PICALM: variants seen among roughly 807,000 people sequenced by gnomAD.
PICALM encodes the protein phosphatidylinositol-binding clathrin assembly protein.
Under a neutral mutation model 80.5 loss-of-function variants are expected in PICALM, and 40 were observed. The observed-to-expected ratio is 0.50, with a 90% CI of 0.39 to 0.65. The LOEUF is 0.65. Ranked by LOEUF, PICALM falls within the 30% of genes least tolerant of loss-of-function variation. PICALM has a pLI of 0.00. For missense variants in PICALM, 676 were observed against 778.9 expected (o/e 0.87, Z 1.57); for synonymous variants, 288 against 260.3 (o/e 1.11, Z -1.02).
chr11:85,963,920 CTTTTTT>C (rs10686143), intron 19 of PICALM, among the ~76,000 whole-genome samples: 26 of 72,890 alleles, frequency 3.6e-4, no homozygotes, highest in African/African-American at 1.2e-3. Flanking sequence ...CCACACCTGG[CTTTTTT>C]TTTTTTTTTT....
At chr11:86,054,292 A>C (rs771448595) in intron 1 of PICALM, among the ~76,000 whole-genome samples, 1 of 152,230 alleles carries the variant, frequency 6.6e-6, no homozygotes, top group Non-Finnish European at 1.5e-5. Flanking sequence ...CTATGTGTGA[A>C]AAGGAAAAAA....
intron 5 of PICALM, among the ~76,000 whole-genome samples, chr11:86,014,050 T>C (rs1010663853): frequency 6.6e-6 from 1 of 152,240 alleles, no homozygotes; most frequent in African/African-American, 2.4e-5. Context: ...ATCTCTGTTT[T>C]AGTCTATGAA....
intron 5 of PICALM, among the ~76,000 whole-genome samples, chr11:86,013,372 C>T (rs895056823): frequency 3.9e-5 from 6 of 151,998 alleles, no homozygotes; most frequent in African/African-American, 1.5e-4. Flanking sequence ...AAGTTAGTGG[C>T]TCACCCTTTT....
chr11:85,981,358 C>T, intron 16 of PICALM, 130 bp from the exon 17 acceptor site: 2 of 610,734 alleles, frequency 3.3e-6, no homozygotes, highest in African/African-American at 1.9e-5. Flanking sequence ...GTAATCCCAG[C>T]ACTTTGGGAG....
intron 19 of PICALM, among the ~76,000 whole-genome samples, chr11:85,964,887 AAC>A (rs2093822230): frequency 6.6e-6 from 1 of 152,252 alleles, no homozygotes; most frequent in Non-Finnish European, 1.5e-5. Context: ...TCCATATAAA[AAC>A]AGTCTCCAAA....
intron 1 of PICALM, among the ~76,000 whole-genome samples, chr11:86,063,088 T>A (rs1268947287): frequency 1.3e-5 from 2 of 152,212 alleles, no homozygotes; most frequent in African/African-American, 4.8e-5. Context: ...AACAACTATG[T>A]CTACGGTGAA....
Position 85,958,333 on chromosome 11 carries a change from T to C in PICALM, c.*713A>G, listed in dbSNP as rs1482300923. 4.7e-6 allele frequency: 1 copy of C among 213,760 alleles called. No individual in the cohort carries two copies. Among genetic ancestry groups the C allele is most frequent in the Non-Finnish European group, 9.5e-6 (1 of 105,600 alleles). The allele number at this position is 213,760 out of a possible 1,614,324, so 13.2% of individuals were successfully genotyped here. A position where few individuals can be genotyped will look rare whatever the true frequency, so the allele number is the denominator to read the frequency against. On this transcript the variant is annotated 3_prime_UTR_variant, in exon 20 of 20. Transcript: ENST00000393346. ...AGAATTCTTAAGAGATTCAGACCTATGGACTTGCCTTAAAATATTTAGTGC... is the reference window on the plus strand; with the variant it reads ...AGAATTCTTAAGAGATTCAGACCTACGGACTTGCCTTAAAATATTTAGTGC...
At chr11:85,981,552 G>A (rs1249269068) in intron 16 of PICALM, among the ~76,000 whole-genome samples, 193 bp downstream of exon 16, 1 of 151,762 alleles carries the variant, frequency 6.6e-6, no homozygotes, top group Admixed American at 6.6e-5. Context: ...GCTTGCAGTG[G>A]GCCGAGATTG....
intron 1 of PICALM, among the ~76,000 whole-genome samples, chr11:86,052,078 A>T (rs897843124): frequency 6.6e-6 from 1 of 152,188 alleles, no homozygotes; most frequent in Non-Finnish European, 1.5e-5. Context: ...CCCTACCCAA[A>T]TCTCACCTTG....
chr11:86,015,090 C>A, intron 4 of PICALM, 127 bp from the exon 5 acceptor site: 1 of 601,334 alleles, frequency 1.7e-6, no homozygotes, highest in Non-Finnish European at 2.9e-6. Context: ...ATTTTTAAGT[C>A]ATTATGGAAC....
chr11:85,984,963 A>T (rs1048139366), intron 13 of PICALM, among the ~76,000 whole-genome samples: 6 of 152,298 alleles, frequency 3.9e-5, no homozygotes, highest in African/African-American at 1.4e-4. Flanking sequence ...GATCACAAAG[A>T]AGAAATTATT....
chr11:85,963,103 G>A (rs191374552), intron 19 of PICALM, among the ~76,000 whole-genome samples: 37 of 152,292 alleles, frequency 2.4e-4, no homozygotes, highest in Admixed American at 1.4e-3. Context: ...ATTTCTGTGA[G>A]TAAATTAAAG....
intron 19 of PICALM, among the ~76,000 whole-genome samples, chr11:85,963,542 CAG>C (rs2093763401): frequency 6.6e-6 from 1 of 152,202 alleles, no homozygotes; most frequent in African/African-American, 2.4e-5. Flanking sequence ...TGGTCCAATA[CAG>C]ACATAGTCTT....
At chr11:86,058,353 C>A (rs1281853021) in intron 1 of PICALM, among the ~76,000 whole-genome samples, 1 of 152,136 alleles carries the variant, frequency 6.6e-6, no homozygotes, top group Non-Finnish European at 1.5e-5. Context: ...TCTGTGAAGT[C>A]ACTTACAGAG....
Position 86,022,393 on chromosome 11 carries a change from T to A in PICALM, c.426A>T (p.Ala142=). 1.3e-6 allele frequency: 2 copies of A among 1,585,608 alleles called. No homozygotes were observed. Among genetic ancestry groups the A allele is most frequent in the Non-Finnish European group, 1.7e-6 (2 of 1,167,662 alleles). Residue 142 remains alanine (A), a synonymous_variant, in exon 4 of 20, where the codon GCA becomes GCT. Coordinates refer to ENST00000393346, the MANE Select transcript of PICALM (RefSeq NM_007166.4). The stretch of plus-strand genomic sequence containing the variant: ...CTCTCTTCACTTTTGTGAAATCAAA[T>A]GCAACTTGTCTGTATGAAACTGCTT... ...NEKAVSYRQV[A]FDFTKVKRGA...
rs149500794 is a variant in PICALM, at chr11:86,036,818, G to A, written c.131-5207C>T. Among the ~76,000 whole-genome samples the A allele has an allele frequency of 2.3e-3, 345 of 152,082 alleles. 2 individuals carry two copies. The highest frequency in any genetic ancestry group is 8.0e-3 in the African/African-American group (331 of 41,468). On this transcript the variant is annotated intron_variant, in intron 1 of 19. Coordinates refer to ENST00000393346, the MANE Select transcript of PICALM (RefSeq NM_007166.4). ...TTCCATTTTTTAAAACTGTATGTGT[G>A]AGGCTAGGCATTGTGGTTCATGCCT...
At chr11:85,998,966 C>A (rs12576078) in intron 11 of PICALM, among the ~76,000 whole-genome samples, 1 of 152,114 alleles carries the variant, frequency 6.6e-6, no homozygotes, top group Admixed American at 6.5e-5. Flanking sequence ...GAATGTTTTT[C>A]TTTTTAAATG....
intron 12 of PICALM, among the ~76,000 whole-genome samples, chr11:85,991,659 T>C (rs1291995615): frequency 6.6e-6 from 1 of 151,916 alleles, no homozygotes; most frequent in Non-Finnish European, 1.5e-5. Context: ...GGAACATCAA[T>C]TCACACTAAA....
intron 1 of PICALM, among the ~76,000 whole-genome samples, chr11:86,048,774 G>A (rs2096123382): frequency 6.6e-6 from 1 of 150,546 alleles, no homozygotes; most frequent in Non-Finnish European, 1.5e-5. Flanking sequence ...AGAGGTTGCG[G>A]TGAGCCAAGA....
Sources: gnomAD v4.1 joint callset for allele counts (sites outside exome capture counted in the v4.1 genomes callset) on GRCh38, gnomAD v4.1.1 for gene constraint, MANE v1.5 for transcripts, NCBI Gene and HGNC (gene_info 2026-07-23, HGNC 2026-07-21) for gene names.